ITGB6: variants seen among roughly 807,000 people sequenced by gnomAD.
The protein encoded by ITGB6 is integrin beta-6.
Under a neutral mutation model 84.5 loss-of-function variants are expected in ITGB6, and 80 were observed. The ratio of observed to expected loss-of-function variants is 0.95; its 90% CI spans 0.79 to 1.14. The LOEUF (loss-of-function observed/expected upper bound fraction) is 1.14, where lower values mean the gene tolerates loss of function less well. ITGB6 is among the 50% of genes most tolerant of loss of function. ITGB6 has a pLI of 0.00. For missense variants in ITGB6, 1,006 were observed against 968.0 expected (o/e 1.04, Z -0.52); for synonymous variants, 383 against 354.9 (o/e 1.08, Z -0.89).
intron 4 of ITGB6, among the ~76,000 whole-genome samples, chr2:160,189,373 A>G (rs1265330491): frequency 6.6e-6 from 1 of 152,210 alleles, no homozygotes; most frequent in Non-Finnish European, 1.5e-5. Flanking sequence ...TAAACTAAAG[A>G]ACTTCTGCAC....
intron 8 of ITGB6, among the ~76,000 whole-genome samples, chr2:160,139,321 C>T (rs187298172): frequency 1.2e-4 from 18 of 152,174 alleles, no homozygotes; most frequent in South Asian, 4.2e-4. Flanking sequence ...CTTCAAATTT[C>T]CCTTAAGTGT....
chr2:160,199,562 G>C (rs1166899984), intron 1 of ITGB6, among the ~76,000 whole-genome samples: 1 of 152,102 alleles, frequency 6.6e-6, no homozygotes, highest in East Asian at 1.9e-4. Context: ...CTTAGCCAAT[G>C]TGTGCCACTT....
intron 7 of ITGB6, among the ~76,000 whole-genome samples, chr2:160,161,954 G>A (rs1456846549): frequency 1.3e-5 from 2 of 152,220 alleles, no homozygotes; most frequent in African/African-American, 4.8e-5. Context: ...ACAACTGGAA[G>A]TGATCTGATG....
chr2:160,107,661 C>A lies in ITGB6; in HGVS notation c.2268+18G>T. On this transcript the variant is annotated intron_variant, in intron 14 of 14. Transcript: ENST00000283249. ...TCTTTCTCCCCTAGACAAGGAGTAG[C>A]CCTAAGTTTCCACATACCGTTTGCC... 6.2e-7 allele frequency: 1 copy of A among 1,612,842 alleles called. No homozygotes were observed.
chr2:160,117,168 T>C (rs536956636), intron 12 of ITGB6, among the ~76,000 whole-genome samples: 2 of 152,158 alleles, frequency 1.3e-5, no homozygotes, highest in East Asian at 1.9e-4. Context: ...GCGGACCTAA[T>C]AGACATCTAC....
intron 2 of ITGB6, among the ~76,000 whole-genome samples, chr2:160,198,150 T>C (rs887520315): frequency 6.9e-6 from 1 of 143,984 alleles, no homozygotes; most frequent in Non-Finnish European, 1.5e-5. Context: ...AAACATGTGA[T>C]TTTTTCCCTT....
chr2:160,130,719 T>C (rs1184663310), intron 10 of ITGB6, among the ~76,000 whole-genome samples: 2 of 152,234 alleles, frequency 1.3e-5, no homozygotes, highest in African/African-American at 4.8e-5. Flanking sequence ...TAAACTACAA[T>C]ATCTTTTTGT....
At chr2:160,181,199 A>T (rs1685654040) in intron 4 of ITGB6, among the ~76,000 whole-genome samples, 1 of 152,130 alleles carries the variant, frequency 6.6e-6, no homozygotes, top group Non-Finnish European at 1.5e-5. Context: ...AGCTCAGCAG[A>T]TCCCACTCTC....
chr2:160,182,540 G>C (rs1479302199), intron 4 of ITGB6, among the ~76,000 whole-genome samples: 1 of 152,192 alleles, frequency 6.6e-6, no homozygotes, highest in East Asian at 1.9e-4. Context: ...AAGTGATGGG[G>C]AGAATGGATC....
At chr2:160,132,415 A>G (rs1683506424) in intron 10 of ITGB6, among the ~76,000 whole-genome samples, 1 of 152,178 alleles carries the variant, frequency 6.6e-6, no homozygotes, top group Non-Finnish European at 1.5e-5. Context: ...TTCTAAGGGT[A>G]TCAAATGGTT....
intron 7 of ITGB6, among the ~76,000 whole-genome samples, chr2:160,165,815 A>G (rs1193954618): frequency 2.6e-5 from 4 of 152,174 alleles, no homozygotes; most frequent in African/African-American, 7.2e-5. Flanking sequence ...GTTCATCTGC[A>G]TCCAATGTGG....
At chr2:160,121,524 C>T (rs1176994451) in intron 12 of ITGB6, among the ~76,000 whole-genome samples, 3 of 152,152 alleles carry the variant, frequency 2.0e-5, no homozygotes, top group African/African-American at 7.2e-5. Flanking sequence ...GTGGTGCATG[C>T]CTGTAATCCC....
chr2:160,120,922 A>AGGGGGGAGG (rs1683006993), intron 12 of ITGB6, among the ~76,000 whole-genome samples: 1 of 104,700 alleles, frequency 9.6e-6, no homozygotes, highest in African/African-American at 3.7e-5. Context: ...GGGATGGGGG[A>AGGGGGGAGG]GGGGGGAGGG....
At position 160,179,400 on chromosome 2, in the gene ITGB6, T is replaced by C. The variant is rs1685570303; in HGVS notation, c.594-5261A>G. On this transcript the variant is annotated intron_variant, in intron 4 of 14. Transcript: ENST00000283249. ...TCTTTTTTTCTTTTTCTTTTTTTTT[T>C]TTTTTTGAGATGGACTCTCACTCTG... 2.7e-5 allele frequency among the ~76,000 whole-genome samples: 4 copies of C among 148,768 alleles called. No homozygotes were observed. In the South Asian group the frequency reaches 8.5e-4, roughly 32 times the overall value.
intron 12 of ITGB6, among the ~76,000 whole-genome samples, chr2:160,113,065 G>T (rs537254785): frequency 2.2e-4 from 33 of 152,120 alleles, no homozygotes; most frequent in Non-Finnish European, 4.9e-4. Context: ...TTCAATGATG[G>T]TTACAAACAC....
intron 4 of ITGB6, among the ~76,000 whole-genome samples, chr2:160,184,655 A>G (rs1354255165): frequency 2.0e-5 from 3 of 152,196 alleles, no homozygotes; most frequent in African/African-American, 7.2e-5. Context: ...CTAATACACA[A>G]GCCTGGCAGA....
At chr2:160,132,503 T>C (rs796511592) in intron 10 of ITGB6, among the ~76,000 whole-genome samples, 5 of 152,288 alleles carry the variant, frequency 3.3e-5, no homozygotes, top group African/African-American at 1.2e-4. Context: ...TTTTTATATG[T>C]TCCTAACGCT....
intron 7 of ITGB6, among the ~76,000 whole-genome samples, chr2:160,148,074 C>T (rs2105833620): frequency 6.6e-6 from 1 of 152,212 alleles, no homozygotes; most frequent in African/African-American, 2.4e-5. Flanking sequence ...ACATCTACTA[C>T]AAGACTATTA....
chr2:160,157,127 G>T (rs1684653767), intron 7 of ITGB6, among the ~76,000 whole-genome samples: 3 of 152,170 alleles, frequency 2.0e-5, no homozygotes, highest in Non-Finnish European at 4.4e-5. Context: ...TCTCCCTCAA[G>T]TGGCGGTGTC....
Sources: gnomAD v4.1 joint callset for allele counts (sites outside exome capture counted in the v4.1 genomes callset) on GRCh38, gnomAD v4.1.1 for gene constraint, MANE v1.5 for transcripts, NCBI Gene and HGNC (gene_info 2026-07-23, HGNC 2026-07-21) for gene names.